Variants in RASGRP3 observed in about 807,000 individuals in gnomAD.
RASGRP3 encodes the protein RAS guanyl releasing protein 3, also known as ras guanyl-releasing protein 3.
RASGRP3 carries 54 observed loss-of-function variants against 82.7 expected under a neutral mutation model. The ratio of observed to expected loss-of-function variants is 0.65; its 90% confidence interval spans 0.52 to 0.82. The LOEUF (loss-of-function observed/expected upper bound fraction) is 0.82. Ranked by LOEUF, RASGRP3 falls within the 40% of genes least tolerant of loss-of-function variation. The pLI is 0.00. For synonymous variants in RASGRP3, 309 were observed against 300.5 expected (o/e 1.03, Z -0.29); for missense variants, 861 against 828.9 (o/e 1.04, Z -0.48).
chr2:33,514,518 A>G (rs1256490015), intron 2 of RASGRP3, among the ~76,000 whole-genome samples: 1 of 149,776 alleles, frequency 6.7e-6, no homozygotes, highest in Non-Finnish European at 1.5e-5. Context: ...AAAAAAAAAA[A>G]AAAAAAAAAC....
chr2:33,506,664 C>G (rs886453105), intron 1 of RASGRP3, among the ~76,000 whole-genome samples: 6 of 152,146 alleles, frequency 3.9e-5, no homozygotes, highest in African/African-American at 1.4e-4. Context: ...TAGGAAAATC[C>G]TATTATCACA....
In RASGRP3 at chr2:33,539,223, G is replaced by C. The variant is rs768848361; in HGVS notation, c.1278+13G>C. On this transcript the variant is annotated intron_variant, in intron 12 of 17. Coordinates refer to ENST00000403687, the MANE Select transcript of RASGRP3 (RefSeq NM_001139488.2). Reference sequence around the variant, plus strand: ...GAAATTAGTGGAGGTAAGTGGTTGAGGGAGAATAAAGAGAGGGCACTAGAA... The same window carrying C: ...GAAATTAGTGGAGGTAAGTGGTTGACGGAGAATAAAGAGAGGGCACTAGAA... The C allele has an allele frequency of 6.4e-7, 1 of 1,562,092 alleles. No individual in the cohort carries two copies. Among genetic ancestry groups the C allele is most frequent in the African/African-American group, 1.4e-5 (1 of 73,830 alleles).
At chr2:33,524,795 G>C (rs1040590052) in intron 9 of RASGRP3, among the ~76,000 whole-genome samples, 2 of 151,978 alleles carry the variant, frequency 1.3e-5, no homozygotes, top group Admixed American at 1.3e-4. Flanking sequence ...ATACTGTAGT[G>C]GTGGCCGGGC....
intron 11 of RASGRP3, among the ~76,000 whole-genome samples, chr2:33,535,229 T>A (rs1261424696): frequency 1.3e-5 from 2 of 152,226 alleles, no homozygotes; most frequent in Non-Finnish European, 2.9e-5. Context: ...AAATAAACAT[T>A]ATATAATGAG....
rs1677054989 is a variant in RASGRP3, at chr2:33,564,683, A to T, written c.*1946A>T. ...TTATATTGCCAGCCTTCCTGTGATA[A>T]AGATATTAAATGTAACTTGAGTAAA... is the stretch of plus-strand genomic sequence containing the variant. On this transcript the variant is annotated 3_prime_UTR_variant, in exon 18 of 18. Coordinates refer to ENST00000403687, the MANE Select transcript of RASGRP3 (RefSeq NM_001139488.2). 6.6e-6 allele frequency: 1 copy of T among 152,186 alleles called. No homozygotes were observed. The highest frequency in any genetic ancestry group is 1.5e-5 in the Non-Finnish European group (1 of 68,036). 9.4% of individuals were successfully genotyped at this position (152,186 alleles called of 1,614,324 possible).
At chr2:33,458,243 C>G (rs1666154385) in intron 2 of RASGRP3, 1 of 152,290 alleles carries the variant, frequency 6.6e-6, no homozygotes, top group Admixed American at 6.5e-5. Context: ...ACCAGGGGTG[C>G]ACACATTTCT....
At chr2:33,538,414 A>G (rs1438837032) in intron 11 of RASGRP3, among the ~76,000 whole-genome samples, 2 of 152,062 alleles carry the variant, frequency 1.3e-5, no homozygotes, top group African/African-American at 4.8e-5. Context: ...GAGGCACAAG[A>G]ATCGCTTGAA....
intron 9 of RASGRP3, among the ~76,000 whole-genome samples, chr2:33,525,702 A>T (rs1337787668): frequency 1.2e-5 from 1 of 83,744 alleles, no homozygotes; most frequent in Non-Finnish European, 3.0e-5. Context: ...GTCTCTACAA[A>T]AAAAAAAAAA....
intron 15 of RASGRP3, among the ~76,000 whole-genome samples, chr2:33,556,029 A>G (rs1378076628): frequency 1.3e-5 from 2 of 152,198 alleles, no homozygotes; most frequent in Admixed American, 1.3e-4. Flanking sequence ...GTCCTTTTCA[A>G]TGAATGCTTT....
intron 2 of RASGRP3, chr2:33,513,731 A>G (rs747999597): frequency 6.6e-6 from 1 of 152,214 alleles, no homozygotes; most frequent in Non-Finnish European, 1.5e-5. Context: ...TTTTGAGTAT[A>G]AGCAACTATA....
rs184008175 is a variant in RASGRP3, at chr2:33,516,697, T to C, written c.173+53T>C. 1,227 of 1,215,186 alleles carry C rather than the reference T, an allele frequency of 1.0e-3. 2 individuals are homozygous for C. Among genetic ancestry groups the C allele is most frequent in the Admixed American group, 1.7e-3 (82 of 48,986 alleles). 75.3% of individuals were successfully genotyped at this position (1,215,186 alleles called of 1,614,324 possible). A position where few individuals can be genotyped will look rare whatever the true frequency, so the allele number is the denominator to read the frequency against. ...TACAATCATAAATCAAGCTCTGTAT[T>C]TAGATAGAGTGTCTATCCAAAGCCA... On this transcript the variant is annotated intron_variant, in intron 4 of 17. Coordinates refer to ENST00000403687, the MANE Select transcript of RASGRP3 (RefSeq NM_001139488.2).
chr2:33,527,516 G>T, intron 10 of RASGRP3, 104 bp downstream of exon 10: 1 of 1,257,370 alleles, frequency 8.0e-7, no homozygotes, highest in Non-Finnish European at 1.1e-6. Context: ...GGGGAAAATT[G>T]GTTTCAGAGT....
At chr2:33,483,511 C>T (rs947088200) in intron 1 of RASGRP3, among the ~76,000 whole-genome samples, 27 of 110,602 alleles carry the variant, frequency 2.4e-4, no homozygotes, top group East Asian at 1.4e-3. Flanking sequence ...TTTTTTGAGA[C>T]GGATTCTCAC....
At chr2:33,524,696 G>A in intron 9 of RASGRP3, 148 bp downstream of exon 9, 2 of 609,374 alleles carry the variant, frequency 3.3e-6, no homozygotes, top group Non-Finnish European at 2.8e-6. Flanking sequence ...AGTAGAAAGG[G>A]AATAACCACA....
intron 10 of RASGRP3, chr2:33,530,809 G>C (rs1273811844): frequency 6.6e-6 from 1 of 151,728 alleles, no homozygotes; most frequent in Non-Finnish European, 1.5e-5. Context: ...CCTGTTGAGG[G>C]AAGGAGGACC....
At chr2:33,467,980 T>TTTTCTTTCTTTCTTTCTTTCTTTC (rs60989460) in intron 2 of RASGRP3, among the ~76,000 whole-genome samples, 4 of 116,412 alleles carry the variant, frequency 3.4e-5, no homozygotes, top group East Asian at 5.3e-4. Context: ...TGGTGAGGCT[T>TTTTCTTTCTTTCTTTCTTTCTTTC]TTTCTTTCTT....
intron 1 of RASGRP3, among the ~76,000 whole-genome samples, chr2:33,438,562 CAA>C (rs57229316): frequency 0.17 from 22,223 of 128,464 alleles, 1,705 homozygotes; most frequent in Non-Finnish European, 0.2. Flanking sequence ...ACTCCATCGC[CAA>C]AAAAAAAAAA....
At chr2:33,463,893 C>A (rs1387755764) in intron 2 of RASGRP3, among the ~76,000 whole-genome samples, 2 of 151,798 alleles carry the variant, frequency 1.3e-5, no homozygotes, top group Non-Finnish European at 2.9e-5. Context: ...AGCCACCGTG[C>A]CCAGCCCTTT....
intron 12 of RASGRP3, among the ~76,000 whole-genome samples, chr2:33,542,812 T>C (rs1367370147): frequency 6.6e-6 from 1 of 152,054 alleles, no homozygotes; most frequent in East Asian, 1.9e-4. Flanking sequence ...GCCCCCTGAG[T>C]AGCTGGGATT....
Sources: allele counts gnomAD v4.1 joint callset (sites outside exome capture counted in the v4.1 genomes callset), GRCh38; gene constraint gnomAD v4.1.1; transcripts MANE v1.5; gene names NCBI Gene and HGNC (gene_info 2026-07-23, HGNC 2026-07-21).